Variants in FLT3 observed in about 807,000 individuals in gnomAD.
FLT3 encodes the protein receptor-type tyrosine-protein kinase FLT3.
Under a neutral mutation model 126.6 loss-of-function variants are expected in FLT3, and 46 were observed. The ratio of observed to expected loss-of-function variants is 0.36; its 90% CI spans 0.29 to 0.46. The LOEUF is 0.46. Among genes scored for constraint, FLT3 ranks in the 20% least tolerant of loss-of-function variants. FLT3 has a pLI of 1.00. For synonymous variants in FLT3, 404 were observed against 434.4 expected (o/e 0.93, Z 0.87); for missense variants, 1,069 against 1,190.3 (o/e 0.90, Z 1.50).
chr13:28,050,894 T>G (rs888173596), intron 5 of FLT3, among the ~76,000 whole-genome samples: 1 of 152,228 alleles, frequency 6.6e-6, no homozygotes, highest in African/African-American at 2.4e-5. Context: ...CTGCATGAAT[T>G]TTTACTTTGT....
chr13:28,021,471 G>C (rs758842945), intron 19 of FLT3, among the ~76,000 whole-genome samples: 2 of 152,160 alleles, frequency 1.3e-5, no homozygotes, highest in African/African-American at 4.8e-5. Flanking sequence ...GGCAAGATGC[G>C]CGAGCAAGAA....
intron 9 of FLT3, 21 bp downstream of exon 9, chr13:28,048,254 T>C: frequency 6.3e-7 from 1 of 1,596,412 alleles, no homozygotes; most frequent in Non-Finnish European, 8.5e-7. Context: ...AATGGTATCT[T>C]AGAGTCCTTT....
intron 18 of FLT3, among the ~76,000 whole-genome samples, chr13:28,024,088 G>A (rs1872617645): frequency 6.6e-6 from 1 of 150,688 alleles, no homozygotes; most frequent in Non-Finnish European, 1.5e-5. Flanking sequence ...AAACTATATT[G>A]TGCATTTTAT....
intron 15 of FLT3, among the ~76,000 whole-genome samples, chr13:28,029,131 C>T (rs1434230720): frequency 1.3e-5 from 2 of 152,138 alleles, no homozygotes; most frequent in Non-Finnish European, 2.9e-5. Context: ...TGGCTCACAC[C>T]TGTAATCCCA....
chr13:28,035,898 G>T, intron 11 of FLT3, 37 bp downstream of exon 11: 1 of 1,482,764 alleles, frequency 6.7e-7, no homozygotes, highest in Non-Finnish European at 9.4e-7. Context: ...AGAGTTTTAT[G>T]TTCTTCCATT....
rs373795632 is a variant in FLT3 at position 28,042,188 on chromosome 13, T to TAAAAAA, written c.1206-4901_1206-4900insTTTTTT. On this transcript the variant is annotated intron_variant, in intron 9 of 23. Transcript: ENST00000241453. The stretch of plus-strand genomic sequence containing the variant: ...ATAATAATAATAATAATAATAATAA[T>TAAAAAA]AAATAAAAATGTCAAAGAAAGAGAA... Among the ~76,000 whole-genome samples, 111 of 136,698 alleles carry TAAAAAA rather than the reference T, an allele frequency of 8.1e-4. 1 individual carries two copies. The highest frequency in any genetic ancestry group is 1.9e-3 in the East Asian group (9 of 4,642). The allele number at this position is 136,698 out of a possible 152,430, so 89.7% of individuals were successfully genotyped here. A position where few individuals can be genotyped will look rare whatever the true frequency, so the allele number is the denominator to read the frequency against.
intron 1 of FLT3, among the ~76,000 whole-genome samples, chr13:28,073,986 T>A (rs183003837): frequency 0.014 from 2,082 of 151,748 alleles, 46 homozygotes; most frequent in African/African-American, 0.047. Flanking sequence ...CAATTTTTTT[T>A]AAAAGATAGT....
chr13:28,073,015 A>AAACAACAAC (rs545486980), intron 1 of FLT3, among the ~76,000 whole-genome samples: 2 of 149,980 alleles, frequency 1.3e-5, no homozygotes, highest in Non-Finnish European at 3.0e-5. Context: ...TAAAAAAAAA[A>AAACAACAAC]AACAACAACA....
intron 4 of FLT3, among the ~76,000 whole-genome samples, chr13:28,056,525 C>T (rs910620472): frequency 3.9e-5 from 6 of 152,168 alleles, no homozygotes; most frequent in Admixed American, 3.3e-4. Flanking sequence ...TCATGGAAGG[C>T]GAAGCAGCAA....
Position 28,070,589 on chromosome 13 carries a change from C to T in FLT3, c.67G>A (p.Gly23Arg). The change falls in exon 2 of 24, where the codon GGG becomes AGG. Residue 23 changes from glycine (G) to arginine (R), a missense_variant. Gly to Arg is a moderately radical substitution (Grantham distance 125). Transcript: ENST00000241453. ...GGCAGATCTTGATTTGTAATAGTCC[C>T]AAATATCATTGCAGAAAAAACAACT... ...LLVVFSAMIF[G>R]TITNQDLPVI... 1 of 1,596,684 alleles carries T rather than the reference C, an allele frequency of 6.3e-7. No individual in the cohort carries two copies.
intron 23 of FLT3, among the ~76,000 whole-genome samples, chr13:28,004,865 C>T (rs1870744276): frequency 6.6e-6 from 1 of 151,990 alleles, no homozygotes. Context: ...AAGAGAAAGG[C>T]CACAAAAGGA....
At position 28,057,731 on chromosome 13, in the gene FLT3, A is replaced by G. The variant is rs6491255; in HGVS notation, c.369-269T>C. Among the ~76,000 whole-genome samples the G allele has an allele frequency of 0.97, 147,958 of 152,192 alleles. 72,047 individuals carry two copies. The highest frequency in any genetic ancestry group is 1 in the Non-Finnish European group (68,003 of 68,028). On this transcript the variant is annotated intron_variant, in intron 3 of 23. Transcript: ENST00000241453. ...CACCTTCTCTGAGCTTCTAGGATCGAAAACTCCCATCTAAAAACACACAGG... is the reference window on the plus strand; with the variant it reads ...CACCTTCTCTGAGCTTCTAGGATCGGAAACTCCCATCTAAAAACACACAGG...
At chr13:28,043,483 G>A (rs1024993979) in intron 9 of FLT3, among the ~76,000 whole-genome samples, 2 of 152,046 alleles carry the variant, frequency 1.3e-5, no homozygotes, top group Non-Finnish European at 2.9e-5. Flanking sequence ...TTTTTTCAGG[G>A]GTAGTGTTAT....
In FLT3 at chr13:28,035,396, T is replaced by C. The variant is rs974731633; in HGVS notation, c.1597+99A>G. The stretch of plus-strand genomic sequence containing the variant: ...AACCTTTTCTCACACACTGACCCTA[T>C]ACTCTCCTGTAAAATTCCCCAAGTA... On this transcript the variant is annotated intron_variant, in intron 12 of 23. Coordinates refer to ENST00000241453, the MANE Select transcript of FLT3 (RefSeq NM_004119.3). 3 of 1,118,028 alleles carry C rather than the reference T, an allele frequency of 2.7e-6. No homozygotes were observed. The Admixed American group carries it at 6.1e-5, about 23-fold the overall frequency. The allele number at this position is 1,118,028 out of a possible 1,614,324, so 69.3% of individuals were successfully genotyped here.
At chr13:28,081,780 T>C (rs1878328312) in intron 1 of FLT3, among the ~76,000 whole-genome samples, 1 of 151,566 alleles carries the variant, frequency 6.6e-6, no homozygotes, top group Admixed American at 6.6e-5. Context: ...TAAGTTCTTT[T>C]CTCTTCTGTA....
At chr13:28,048,487 A>G (rs1322731297) in intron 8 of FLT3, 44 bp from the exon 9 acceptor site, 5 of 1,275,746 alleles carry the variant, frequency 3.9e-6, no homozygotes, top group Non-Finnish European at 5.6e-6. Flanking sequence ...AATAATATTC[A>G]TAGGGAAACG....
At chr13:28,018,387 C>A (rs2137621771) in intron 20 of FLT3, 80 bp downstream of exon 20, 1 of 1,500,138 alleles carries the variant, frequency 6.7e-7, no homozygotes, top group South Asian at 1.2e-5. Flanking sequence ...AAATGCACCA[C>A]AGTGAGTGCA....
intron 9 of FLT3, among the ~76,000 whole-genome samples, chr13:28,038,514 G>A (rs6491250): frequency 0.73 from 108,958 of 149,810 alleles, 40,822 homozygotes; most frequent in East Asian, 0.87. Flanking sequence ...GTGCAGTGGC[G>A]CTATCTCGGC....
intron 23 of FLT3, among the ~76,000 whole-genome samples, chr13:28,008,744 G>T (rs542876359): frequency 6.6e-6 from 1 of 152,248 alleles, no homozygotes; most frequent in South Asian, 2.1e-4. Flanking sequence ...CTCCCAAAGT[G>T]CTAGGATTAC....
Sources: allele counts gnomAD v4.1 joint callset (sites outside exome capture counted in the v4.1 genomes callset), GRCh38; gene constraint gnomAD v4.1.1; transcripts MANE v1.5; gene names NCBI Gene and HGNC (gene_info 2026-07-23, HGNC 2026-07-21).